The following MED13L variants were observed in gnomAD, a reference collection of about 807,000 sequenced individuals.
MED13L encodes mediator complex subunit 13L.
Under a neutral mutation model 220.9 loss-of-function variants are expected in MED13L, and 7 were observed. The ratio of observed to expected loss-of-function variants is 0.03; its 90% confidence interval spans 0.02 to 0.06. The LOEUF (loss-of-function observed/expected upper bound fraction) is 0.06, where lower values mean the gene tolerates loss of function less well. Ranked by LOEUF, MED13L falls within the 10% of genes least tolerant of loss-of-function variation. The probability of loss-of-function intolerance (pLI) is 1.00; values close to 1 mark genes in which losing one functional copy is unlikely to be tolerated. For missense variants in MED13L, 1,965 were observed against 2,760.5 expected, an observed-to-expected ratio of 0.71 and a Z score of 6.46; for synonymous variants, 1,011 against 1,015.2, an observed-to-expected ratio of 1.00 and a Z score of 0.08.
chr12:116,161,875 GCTCT>G (rs1357856868), intron 2 of MED13L, among the ~76,000 whole-genome samples: 2 of 151,996 alleles, frequency 1.3e-5, no homozygotes, highest in Non-Finnish European at 2.9e-5. Context: ...TTATCCATAT[GCTCT>G]CTATCACCTT....
intron 2 of MED13L, among the ~76,000 whole-genome samples, chr12:116,134,692 AT>A (rs953573539): frequency 2.0e-5 from 3 of 152,204 alleles, no homozygotes; most frequent in Non-Finnish European, 4.4e-5. Context: ...CTTTTACCTT[AT>A]TTACCTAAAA....
intron 26 of MED13L, 113 bp downstream of exon 26, chr12:115,971,965 C>G (rs1876615863): frequency 8.1e-7 from 1 of 1,231,482 alleles, no homozygotes; most frequent in African/African-American, 1.5e-5. Flanking sequence ...CAAATACAAT[C>G]TTCCCTTATA....
At chr12:116,183,801 A>AT (rs1282011242) in intron 2 of MED13L, among the ~76,000 whole-genome samples, 1 of 105,876 alleles carries the variant, frequency 9.4e-6, no homozygotes, top group Non-Finnish European at 1.9e-5. Flanking sequence ...TGTAGAAAAA[A>AT]TGGTGTGTGT....
chr12:116,252,696 A>G (rs898599925), intron 1 of MED13L, among the ~76,000 whole-genome samples: 1 of 152,114 alleles, frequency 6.6e-6, no homozygotes, highest in Non-Finnish European at 1.5e-5. Context: ...AAATTTGATA[A>G]TACAGAAAAA....
chr12:115,974,301 G>A (rs1173905411), intron 25 of MED13L, among the ~76,000 whole-genome samples: 1 of 152,148 alleles, frequency 6.6e-6, no homozygotes, highest in Admixed American at 6.5e-5. Flanking sequence ...TTTGCACCCA[G>A]GAAGCCACCA....
chr12:116,249,832 T>A (rs1207290311), intron 1 of MED13L, among the ~76,000 whole-genome samples: 6 of 81,908 alleles, frequency 7.3e-5, no homozygotes, highest in Non-Finnish European at 1.6e-4. Flanking sequence ...CAAAACATAA[T>A]AAACAAGCCA....
rs746639822 is a variant in MED13L, at chr12:116,007,647, A to T, written c.2013-11T>A. The T allele has an allele frequency of 9.8e-7, 1 of 1,018,316 alleles. No homozygotes were observed. The highest frequency in any genetic ancestry group is 1.7e-5 in the South Asian group (1 of 58,190). 63.1% of individuals were successfully genotyped at this position (1,018,316 alleles called of 1,614,324 possible). A position where few individuals can be genotyped will look rare whatever the true frequency, so the allele number is the denominator to read the frequency against. On this transcript the variant is annotated splice_polypyrimidine_tract_variant and intron_variant, in intron 10 of 30. Coordinates refer to ENST00000281928, the MANE Select transcript of MED13L (RefSeq NM_015335.5). ...GGTTGTGCTAAGAGTCTAAAAGACA[A>T]AAAAAAAAAAAAAAAAAAGAGCATT... is the stretch of plus-strand genomic sequence containing the variant.
rs1254136132 is a variant in MED13L at position 116,250,552 on chromosome 12, T to G, written c.73-12847A>C. Among the ~76,000 whole-genome samples the G allele has an allele frequency of 4.1e-5, 6 of 147,162 alleles. No individual in the cohort carries two copies. In the South Asian group the frequency reaches 1.3e-3, roughly 31 times the overall value. On this transcript the variant is annotated intron_variant, in intron 1 of 30. Transcript: ENST00000281928. Reference sequence around the variant, plus strand: ...GCTGAGGCAGGTGGATCACCTGAGGTCAGGAGTTCGAGACCAGCCTGACCA... The same window carrying G: ...GCTGAGGCAGGTGGATCACCTGAGGGCAGGAGTTCGAGACCAGCCTGACCA...
intron 4 of MED13L, among the ~76,000 whole-genome samples, chr12:116,055,821 G>A (rs1295459075): frequency 6.6e-6 from 1 of 152,068 alleles, no homozygotes; most frequent in African/African-American, 2.4e-5. Context: ...CTTGAACCCA[G>A]GAGGCGGAGG....
intron 4 of MED13L, among the ~76,000 whole-genome samples, chr12:116,062,707 C>T (rs1566037880): frequency 6.6e-6 from 1 of 152,014 alleles, no homozygotes; most frequent in Non-Finnish European, 1.5e-5. Context: ...AGGATGGTCT[C>T]GATCTCTTGA....
chr12:116,102,697 CTTTTTCTTTTTTCTTTTTTTTTT>C (rs1179623879), intron 3 of MED13L, among the ~76,000 whole-genome samples: 3 of 73,274 alleles, frequency 4.1e-5, no homozygotes, highest in African/African-American at 1.3e-4. Flanking sequence ...TTTTCTTTTT[CTTTTTCTTTTTTCTTTTTTTTTT>C]TTTTTTTTTT....
At chr12:115,978,130 G>C (rs1411370742) in intron 23 of MED13L, among the ~76,000 whole-genome samples, 2 of 152,192 alleles carry the variant, frequency 1.3e-5, no homozygotes, top group Non-Finnish European at 2.9e-5. Context: ...TATAAGAAAT[G>C]TCCAGAACAG....
At chr12:116,070,648 G>A (rs1870296578) in intron 4 of MED13L, among the ~76,000 whole-genome samples, 2 of 152,118 alleles carry the variant, frequency 1.3e-5, no homozygotes, top group South Asian at 4.1e-4. Flanking sequence ...ACCACACAGT[G>A]CCCAGAATAA....
At chr12:116,110,685 G>T (rs1874006254) in intron 3 of MED13L, among the ~76,000 whole-genome samples, 3 of 152,158 alleles carry the variant, frequency 2.0e-5, no homozygotes, top group Admixed American at 2.0e-4. Flanking sequence ...AAACTTGACA[G>T]AACATTACCT....
Position 116,021,447 on chromosome 12 carries a change from C to T in MED13L, c.625+1009G>A, listed in dbSNP as rs777053054. Among the ~76,000 whole-genome samples the T allele has an allele frequency of 4.3e-4, 66 of 152,102 alleles. 1 individual carries two copies. The highest frequency in any genetic ancestry group is 1.5e-4 in the Non-Finnish European group (10 of 68,002). On this transcript the variant is annotated intron_variant, in intron 5 of 30. Coordinates refer to ENST00000281928, the MANE Select transcript of MED13L (RefSeq NM_015335.5). ...TCTGATAAGCCATAATTTGCAAATA[C>T]TGTACAATTTGTACTGTACAGTTTA...
intron 2 of MED13L, among the ~76,000 whole-genome samples, chr12:116,168,472 A>T (rs1376966375): frequency 1.3e-5 from 2 of 152,148 alleles, no homozygotes; most frequent in Non-Finnish European, 2.9e-5. Context: ...CCTGAGTAAA[A>T]GCTTCCGGAG....
intron 2 of MED13L, among the ~76,000 whole-genome samples, chr12:116,215,671 T>C (rs936311269): frequency 2.0e-5 from 3 of 152,268 alleles, no homozygotes; most frequent in African/African-American, 7.2e-5. Context: ...TACAGTGAAG[T>C]TGATTAATTT....
chr12:115,987,255 A>G lies in MED13L; in HGVS notation c.3968T>C (p.Val1323Ala), dbSNP rs1417096904. The G allele has an allele frequency of 1.9e-6, 3 of 1,613,502 alleles. No homozygotes were observed. The highest frequency in any genetic ancestry group is 2.5e-6 in the Non-Finnish European group (3 of 1,180,002). Residue 1323 changes from valine to alanine, a missense_variant, in exon 18 of 31, where the codon GTG becomes GCG. Physicochemically the swap from Val to Ala is moderately conservative, Grantham distance 64. This residue lies in a region of MED13L where 165 missense variants were observed against 190.8 expected (regional missense o/e 0.86). Transcript: ENST00000281928. The part of the protein sequence containing the change: ...LDISMLSSQD[V>A]VRMLLSLQPF... Reference sequence around the variant, plus strand: ...CTGCAGGGACAACAGCATACGAACCACATCCTGGGAGGAGAGCATGCTGAT... The same window carrying G: ...CTGCAGGGACAACAGCATACGAACCGCATCCTGGGAGGAGAGCATGCTGAT...
chr12:115,968,566 G>A (rs1278063110), intron 28 of MED13L, among the ~76,000 whole-genome samples: 1 of 152,154 alleles, frequency 6.6e-6, no homozygotes, highest in Non-Finnish European at 1.5e-5. Context: ...TGCATGTTGA[G>A]TAAGTACGGT....
Sources: gnomAD v4.1 joint callset for allele counts (sites outside exome capture counted in the v4.1 genomes callset) on GRCh38, gnomAD v4.1.1 for gene constraint, gnomAD v4.1.1 regional missense constraint, MANE v1.5 for transcripts, NCBI Gene and HGNC (gene_info 2026-07-23, HGNC 2026-07-21) for gene names.